Variants in TNIP3 observed in about 807,000 individuals in gnomAD.
TNIP3 encodes TNFAIP3 interacting protein 3, also known as TNFAIP3-interacting protein 3.
In TNIP3, 34 loss-of-function variants were observed where a neutral mutation model predicts 54.1. The observed-to-expected ratio is 0.63, with a 90% CI of 0.48 to 0.84. The LOEUF is 0.84. Among genes scored for constraint, TNIP3 ranks in the 40% least tolerant of loss-of-function variants. The pLI is 0.00. For synonymous variants in TNIP3, 134 were observed against 136.8 expected (o/e 0.98, Z 0.14); for missense variants, 366 against 387.6 (o/e 0.94, Z 0.47).
At chr4:121,199,938 C>A (rs1725792445) in intron 2 of TNIP3, among the ~76,000 whole-genome samples, 1 of 152,154 alleles carries the variant, frequency 6.6e-6, no homozygotes, top group African/African-American at 2.4e-5. Flanking sequence ...TCGTGTGGGG[C>A]TGCATATGCC....
intron 2 of TNIP3, among the ~76,000 whole-genome samples, chr4:121,204,266 T>C (rs1358963840): frequency 6.6e-6 from 1 of 152,138 alleles, no homozygotes; most frequent in Non-Finnish European, 1.5e-5. Context: ...TGGAGATAAA[T>C]GCATATCTGA....
At chr4:121,143,221 A>G (rs920482477) in intron 7 of TNIP3, among the ~76,000 whole-genome samples, 1 of 152,192 alleles carries the variant, frequency 6.6e-6, no homozygotes, top group African/African-American at 2.4e-5. Flanking sequence ...TACTATCTCA[A>G]TTTTATAGAT....
chr4:121,158,596 T>C, intron 3 of TNIP3, 91 bp downstream of exon 3: 1 of 1,057,040 alleles, frequency 9.5e-7, no homozygotes, highest in East Asian at 2.4e-5. Flanking sequence ...CACAAAGCTC[T>C]TTGTAGCTGA....
upstream of TNIP3, chr4:121,164,439 T>C (rs1156798027): frequency 5.1e-6 from 4 of 782,888 alleles, no homozygotes; most frequent in Admixed American, 1.4e-4. Flanking sequence ...AGCCTTGCTA[T>C]AGTATGTAAA....
intron 2 of TNIP3, among the ~76,000 whole-genome samples, chr4:121,189,181 G>C (rs577775257): frequency 6.6e-6 from 1 of 152,288 alleles, no homozygotes; most frequent in African/African-American, 2.4e-5. Flanking sequence ...TAAGAATTTA[G>C]GATGTTAGTG....
At chr4:121,213,813 G>A (rs550424494) in intron 2 of TNIP3, among the ~76,000 whole-genome samples, 4 of 151,780 alleles carry the variant, frequency 2.6e-5, no homozygotes, top group African/African-American at 9.7e-5. Context: ...ATATTAAAAT[G>A]AGGAACTGGT....
rs1351386973 is a variant in TNIP3 at position 121,148,730 on chromosome 4, A to C, written c.609+1373T>G. Among the ~76,000 whole-genome samples the C allele has an allele frequency of 2.0e-5, 3 of 152,368 alleles. No individual in the cohort carries two copies. In the East Asian group the frequency reaches 5.8e-4, roughly 29 times the overall value. On this transcript the variant is annotated intron_variant, in intron 6 of 10. Coordinates refer to ENST00000057513, the MANE Select transcript of TNIP3 (RefSeq NM_024873.6). ...CAAATGCTATAAAATTTTTAGATCT[A>C]TTCACAGGCTACTTCATATGAAGCA... is the stretch of plus-strand genomic sequence containing the variant.
upstream of TNIP3, among the ~76,000 whole-genome samples, chr4:121,166,095 TC>T (rs1229941269): frequency 2.0e-5 from 3 of 152,198 alleles, no homozygotes; most frequent in Admixed American, 6.5e-5. Flanking sequence ...GGAAATACCA[TC>T]CTTGGCATTG....
intron 2 of TNIP3, among the ~76,000 whole-genome samples, chr4:121,213,733 A>AAAC (rs1463126259): frequency 6.6e-6 from 1 of 151,824 alleles, no homozygotes; most frequent in African/African-American, 2.4e-5. Flanking sequence ...TCTCAAAAAA[A>AAAC]AAAAAAACAA....
chr4:121,207,120 T>C (rs559705435), intron 2 of TNIP3, among the ~76,000 whole-genome samples: 1 of 152,310 alleles, frequency 6.6e-6, no homozygotes, highest in South Asian at 2.1e-4. Flanking sequence ...GGGTTCTTTG[T>C]TTTGTTTTGT....
upstream of TNIP3, among the ~76,000 whole-genome samples, chr4:121,217,485 G>A (rs1313785550): frequency 6.6e-6 from 1 of 152,130 alleles, no homozygotes; most frequent in East Asian, 1.9e-4. Flanking sequence ...TTCGGCTTGT[G>A]ACAGCTGTTT....
At chr4:121,153,814 A>G (rs1002700196) in intron 5 of TNIP3, among the ~76,000 whole-genome samples, 5 of 152,320 alleles carry the variant, frequency 3.3e-5, no homozygotes, top group African/African-American at 1.2e-4. Flanking sequence ...TCAGAAGACA[A>G]TTTCTGTTGC....
rs907277313 is a variant in TNIP3, at chr4:121,195,234, C to T, written c.69-12438G>A. On this transcript the variant is annotated intron_variant, in intron 2 of 12. Transcript: ENST00000507879. ...TTTTAAAAACGTCTTTGAGTAACCC[C>T]CATACACCTTCAAAATCAACTGTCT... Among the ~76,000 whole-genome samples the T allele has an allele frequency of 3.7e-4, 56 of 152,156 alleles. 1 individual carries two copies. The highest frequency in any genetic ancestry group is 3.6e-3 in the Admixed American group (55 of 15,274).
intron 10 of TNIP3, among the ~76,000 whole-genome samples, chr4:121,133,790 T>C (rs1213574942): frequency 1.3e-5 from 2 of 152,070 alleles, no homozygotes; most frequent in African/African-American, 2.4e-5. Flanking sequence ...CTGTAACTGG[T>C]GTGTGTGTAA....
intron 1 of TNIP3, among the ~76,000 whole-genome samples, chr4:121,223,728 C>G (rs576137091): frequency 6.6e-6 from 1 of 152,190 alleles, no homozygotes; most frequent in Non-Finnish European, 1.5e-5. Context: ...CTTCCCTATC[C>G]ATTAGCACAG....
intron 10 of TNIP3, among the ~76,000 whole-genome samples, chr4:121,135,770 C>T (rs997182534): frequency 6.6e-6 from 1 of 152,160 alleles, no homozygotes; most frequent in Non-Finnish European, 1.5e-5. Context: ...TTCAGTTACA[C>T]CAACAGATTA....
At chr4:121,173,529 T>G (rs11947841) in intron 3 of TNIP3, among the ~76,000 whole-genome samples, 42,611 of 152,114 alleles carry the variant, frequency 0.28, 6,709 homozygotes, top group African/African-American at 0.43. Context: ...AAAAATTATT[T>G]TCTCTGGAAG....
chr4:121,196,420 C>T (rs560718605), intron 2 of TNIP3, among the ~76,000 whole-genome samples: 12 of 151,684 alleles, frequency 7.9e-5, no homozygotes, highest in East Asian at 3.9e-4. Flanking sequence ...AATAAATCGA[C>T]GAATATAATA....
At chr4:121,174,438 A>C (rs549669137) in intron 3 of TNIP3, among the ~76,000 whole-genome samples, 1 of 152,080 alleles carries the variant, frequency 6.6e-6, no homozygotes, top group South Asian at 2.1e-4. Context: ...AAATAAAAAA[A>C]ATAAGAAAGA....
Sources: gnomAD v4.1 joint callset for allele counts (sites outside exome capture counted in the v4.1 genomes callset) on GRCh38, gnomAD v4.1.1 for gene constraint, MANE v1.5 for transcripts, NCBI Gene and HGNC (gene_info 2026-07-23, HGNC 2026-07-21) for gene names.